The following SYNE1 variants were observed in gnomAD, a reference collection of about 807,000 sequenced individuals.
SYNE1 encodes spectrin repeat containing nuclear envelope protein 1, also known as nesprin-1.
A neutral mutation model predicts 1,111.0 loss-of-function variants in SYNE1; 616 were observed. That is an observed-to-expected ratio of 0.55 (90% confidence interval 0.52 to 0.59). SYNE1 has a LOEUF of 0.59. Among genes scored for constraint, SYNE1 ranks in the 20% least tolerant of loss-of-function variants. The pLI is 0.00. For missense variants in SYNE1, 10,006 were observed against 10,417.0 expected, an observed-to-expected ratio of 0.96 and a Z score of 1.72; for synonymous variants, 3,855 against 3,825.8, an observed-to-expected ratio of 1.01 and a Z score of -0.28.
In SYNE1 at chr6:152,462,473, G is replaced by T. The variant is rs1237724316; in HGVS notation, c.2250+265C>A. On this transcript the variant is annotated intron_variant, in intron 20 of 145. Coordinates refer to ENST00000367255, the MANE Select transcript of SYNE1 (RefSeq NM_182961.4). ...CGGGTGCTATCTATAGATGTCTCCT[G>T]TTTTTTCCTAATACTTTTTAACTTG... 3 of 581,108 alleles carry T rather than the reference G, an allele frequency of 5.2e-6. No homozygotes were observed. In the Admixed American group the frequency reaches 9.6e-5, roughly 19 times the overall value. The allele number at this position is 581,108 out of a possible 1,614,324, so 36.0% of individuals were successfully genotyped here.
intron 33 of SYNE1, chr6:152,435,379 G>T (rs1350231381): frequency 6.9e-5 from 10 of 145,426 alleles, no homozygotes; most frequent in Admixed American, 1.4e-4. Flanking sequence ...AGGCCAAGCA[G>T]TTTTTTTTTT....
chr6:152,492,438 C>G (rs1191051704), intron 11 of SYNE1, among the ~76,000 whole-genome samples: 1 of 152,228 alleles, frequency 6.6e-6, no homozygotes, highest in Non-Finnish European at 1.5e-5. Flanking sequence ...ACCTAAACCA[C>G]AGTGGCCAGG....
chr6:152,591,126 G>T (rs2099560933), intron 3 of SYNE1, among the ~76,000 whole-genome samples: 1 of 152,052 alleles, frequency 6.6e-6, no homozygotes, highest in Non-Finnish European at 1.5e-5. Context: ...GCATTCCTGG[G>T]TATTTCATTT....
intron 131 of SYNE1, among the ~76,000 whole-genome samples, chr6:152,161,402 T>A (rs566623871): frequency 6.6e-6 from 1 of 151,220 alleles, no homozygotes. Flanking sequence ...AATTTTATTA[T>A]GTTTATGTCT....
At chr6:152,122,765 G>C in intron 145 of SYNE1, 89 bp from the exon 146 acceptor site, 1 of 1,595,624 alleles carries the variant, frequency 6.3e-7, no homozygotes, top group Middle Eastern at 2.0e-4. Context: ...GGAAGCTAAA[G>C]GGCCATGCCA....
At position 152,488,459 on chromosome 6, in the gene SYNE1, T is replaced by C; in HGVS notation, c.984A>G (p.Glu328=). ...CTCTTGTCAAATCTCTCTCAAATTG[T>C]TCTATCCAAACTTTCATTTCCTTAA... is the stretch of plus-strand genomic sequence containing the variant. ...VIFKEMKVWI[E]QFERDLTRAQ... Residue 328 remains glutamate (E), a synonymous_variant, in exon 12 of 146, where the codon GAA becomes GAG. Transcript: ENST00000367255. The C allele has an allele frequency of 6.2e-7, 1 of 1,609,516 alleles. No individual in the cohort carries two copies. The highest frequency in any genetic ancestry group is 8.5e-7 in the Non-Finnish European group (1 of 1,177,198).
rs766082702 is a variant in SYNE1, at chr6:152,248,725, CTGT to C, written c.19572+433_19572+435del. Among the ~76,000 whole-genome samples the C allele has an allele frequency of 5.3e-5, 8 of 152,090 alleles. No individual in the cohort carries two copies. The East Asian group carries it at 7.7e-4, about 15-fold the overall frequency. On this transcript the variant is annotated intron_variant, in intron 105 of 145. Coordinates refer to ENST00000367255, the MANE Select transcript of SYNE1 (RefSeq NM_182961.4). ...CTCTTTACCGTGATATCTTTCTTTC[CTGT>C]TGTTGTGTGTCCAAACTCTTAGGTT... is the stretch of plus-strand genomic sequence containing the variant.
chr6:152,125,239 G>A (rs956336125), intron 145 of SYNE1: 4 of 1,548,740 alleles, frequency 2.6e-6, no homozygotes, highest in African/African-American at 2.7e-5. Context: ...AATGGTAATG[G>A]TAATTCAGGT....
chr6:152,352,911 T>C (rs1010597132), intron 69 of SYNE1, among the ~76,000 whole-genome samples: 2 of 152,218 alleles, frequency 1.3e-5, no homozygotes, highest in African/African-American at 4.8e-5. Flanking sequence ...GATGTTTCTC[T>C]CATCCTTAGC....
intron 53 of SYNE1, among the ~76,000 whole-genome samples, chr6:152,388,088 C>A (rs113031090): frequency 0.072 from 10,713 of 149,206 alleles, 1,312 homozygotes; most frequent in African/African-American, 0.26. Flanking sequence ...CCCCTGCATA[C>A]AAGCCTATGA....
intron 131 of SYNE1, 41 bp from the exon 132 acceptor site, chr6:152,156,138 T>A (rs1445641630): frequency 9.9e-6 from 16 of 1,610,052 alleles, no homozygotes; most frequent in Non-Finnish European, 1.3e-5. Context: ...CAATTACATG[T>A]ATACAGATGA....
In SYNE1 at chr6:152,122,531, T is replaced by A. The variant is rs146389405; in HGVS notation, c.26299A>T (p.Met8767Leu). The A allele has an allele frequency of 1.2e-6, 2 of 1,614,046 alleles. No homozygotes were observed. The highest frequency in any genetic ancestry group is 2.7e-5 in the African/African-American group (2 of 74,906). Residue 8767 changes from methionine to leucine, a missense_variant, in exon 146 of 146, where the codon ATG (methionine) becomes TTG (leucine). This residue lies in a region of SYNE1 where 761 missense variants were observed against 795.5 expected (regional missense o/e 0.96). Transcript: ENST00000367255. Reference protein sequence around the residue: ...LLIGLACLVPMSEEDYSCALS... With the variant: ...LLIGLACLVPLSEEDYSCALS... The stretch of plus-strand genomic sequence containing the variant: ...GCACAGCTGTAGTCTTCCTCTGACA[T>A]TGGTACAAGGCAGGCAAGCCCGATG...
rs894224661 is a variant in SYNE1 at position 152,571,904 on chromosome 6, T to A, written c.68-31883A>T. On this transcript the variant is annotated intron_variant, in intron 3 of 145. Coordinates refer to ENST00000367255, the MANE Select transcript of SYNE1 (RefSeq NM_182961.4). The stretch of plus-strand genomic sequence containing the variant: ...TGTTATTTTCAATGCATTTTTTAAA[T>A]TTTTCAATGCTAGTTTGTGCATCAT... Among the ~76,000 whole-genome samples the A allele has an allele frequency of 1.2e-4, 18 of 152,330 alleles. 2 individuals are homozygous for A. The highest frequency in any genetic ancestry group is 1.0e-3 in the Admixed American group (16 of 15,308).
chr6:152,337,083 A>T (rs1184125747), intron 75 of SYNE1, 66 bp from the exon 76 acceptor site: 1 of 1,520,558 alleles, frequency 6.6e-7, no homozygotes, highest in African/African-American at 1.4e-5. Flanking sequence ...AATGAATCAG[A>T]GATGGAACTT....
At chr6:152,560,869 T>A (rs1348811835) in intron 3 of SYNE1, among the ~76,000 whole-genome samples, 1 of 152,110 alleles carries the variant, frequency 6.6e-6, no homozygotes, top group Non-Finnish European at 1.5e-5. Context: ...TCAACATAAT[T>A]TTATGATTAA....
chr6:152,568,289 C>CTTTTTTT (rs10601350), intron 3 of SYNE1, among the ~76,000 whole-genome samples: 29 of 80,280 alleles, frequency 3.6e-4, no homozygotes, highest in African/African-American at 6.0e-4. Context: ...TTATTTTATT[C>CTTTTTTT]TTTTTTTTTT....
chr6:152,218,031 C>T (rs2079166249), intron 121 of SYNE1, among the ~76,000 whole-genome samples: 1 of 151,936 alleles, frequency 6.6e-6, no homozygotes, highest in African/African-American at 2.4e-5. Context: ...CTCGTCTCTA[C>T]TAAAAATACA....
rs780744047 is a variant in SYNE1 at position 152,155,998 on chromosome 6, C to T, written c.23890G>A (p.Ala7964Thr). The change falls in exon 132 of 146, where the codon GCC (alanine) becomes ACC (threonine). Residue 7964 changes from alanine to threonine, a missense_variant. Physicochemically the swap from Ala to Thr is moderately conservative, Grantham distance 58 (BLOSUM62 0). Coordinates refer to ENST00000367255, the MANE Select transcript of SYNE1 (RefSeq NM_182961.4). The stretch of plus-strand genomic sequence containing the variant: ...GCCTGCTGTATAGAGTCACACTCGG[C>T]ATCAGTGGCACAGGCGTCACAGTCG... ...LHDCDACATD[A>T]ECDSIQQATR... 16 of 1,614,084 alleles carry T rather than the reference C, an allele frequency of 9.9e-6. No individual in the cohort carries two copies. The highest frequency in any genetic ancestry group is 8.8e-5 in the South Asian group (8 of 91,080).
At chr6:152,511,867 T>G (rs1457130253) in intron 6 of SYNE1, among the ~76,000 whole-genome samples, 1 of 152,206 alleles carries the variant, frequency 6.6e-6, no homozygotes, top group African/African-American at 2.4e-5. Flanking sequence ...ATGTTTTTCA[T>G]CCACTACAAA....
Sources: allele counts gnomAD v4.1 joint callset (sites outside exome capture counted in the v4.1 genomes callset), GRCh38; gene constraint gnomAD v4.1.1; regional missense constraint gnomAD v4.1.1; transcripts MANE v1.5; gene names NCBI Gene and HGNC (gene_info 2026-07-23, HGNC 2026-07-21).